DOK6: variants seen among roughly 807,000 people sequenced by gnomAD.
DOK6 encodes the protein docking protein 6.
DOK6 carries 22 observed loss-of-function variants against 44.0 expected under a neutral mutation model. That is an observed-to-expected ratio of 0.50 (90% CI 0.36 to 0.71). The LOEUF is 0.71. Among genes scored for constraint, DOK6 ranks in the 30% least tolerant of loss-of-function variants. The pLI, the probability that DOK6 is intolerant of heterozygous loss-of-function variation, is 0.00. For missense variants in DOK6, 340 were observed against 416.4 expected, an observed-to-expected ratio of 0.82 and a Z score of 1.60; for synonymous variants, 166 against 145.5, an observed-to-expected ratio of 1.14 and a Z score of -1.01.
chr18:69,435,875 G>A (rs1550592), intron 1 of DOK6, among the ~76,000 whole-genome samples: 3,041 of 151,662 alleles, frequency 0.02, 103 homozygotes, highest in African/African-American at 0.069. Flanking sequence ...TGGCTCATAT[G>A]TGCTTTTCTT....
intron 7 of DOK6, among the ~76,000 whole-genome samples, chr18:69,814,142 C>T (rs1264515868): frequency 6.6e-6 from 1 of 151,852 alleles, no homozygotes. Flanking sequence ...AGAGAAAGCC[C>T]ATGGCCTGGA....
chr18:69,538,797 C>T (rs978173713), intron 1 of DOK6, among the ~76,000 whole-genome samples: 7 of 152,146 alleles, frequency 4.6e-5, no homozygotes, highest in Non-Finnish European at 1.0e-4. Flanking sequence ...CCCTTCATTT[C>T]CCTTTAAATG....
intron 1 of DOK6, among the ~76,000 whole-genome samples, chr18:69,402,171 G>C (rs1455278635): frequency 6.6e-6 from 1 of 152,074 alleles, no homozygotes; most frequent in Non-Finnish European, 1.5e-5. Context: ...GCGCGATGTA[G>C]GGTGGCCTGG....
intron 1 of DOK6, among the ~76,000 whole-genome samples, chr18:69,523,493 C>T (rs1252432851): frequency 6.6e-6 from 1 of 151,946 alleles, no homozygotes; most frequent in East Asian, 1.9e-4. Flanking sequence ...AATTCAAACT[C>T]TCTCAAACCA....
intron 7 of DOK6, among the ~76,000 whole-genome samples, chr18:69,836,231 A>G (rs541640180): frequency 6.6e-6 from 1 of 152,306 alleles, no homozygotes; most frequent in African/African-American, 2.4e-5. Flanking sequence ...ACAGCAGGGA[A>G]GCTTCTTTTT....
chr18:69,466,474 T>C (rs1248429408), intron 1 of DOK6, among the ~76,000 whole-genome samples: 1 of 152,200 alleles, frequency 6.6e-6, no homozygotes, highest in Non-Finnish European at 1.5e-5. Flanking sequence ...GCAGTGCATA[T>C]GAGAGTGCAG....
intron 3 of DOK6, among the ~76,000 whole-genome samples, chr18:69,615,322 T>C (rs1021213536): frequency 6.6e-6 from 1 of 152,222 alleles, no homozygotes; most frequent in Non-Finnish European, 1.5e-5. Flanking sequence ...AGCACTTTTA[T>C]GAACATTCCA....
At chr18:69,804,254 C>G (rs75038857) in intron 7 of DOK6, among the ~76,000 whole-genome samples, 1 of 152,062 alleles carries the variant, frequency 6.6e-6, no homozygotes, top group Admixed American at 6.6e-5. Context: ...AACGAAAAAA[C>G]AAGACTTTTA....
chr18:69,477,256 G>A (rs548511264), intron 1 of DOK6, among the ~76,000 whole-genome samples: 2 of 152,144 alleles, frequency 1.3e-5, no homozygotes, highest in Admixed American at 6.5e-5. Context: ...AGCAGGTTTC[G>A]AGATCCGTTC....
intron 3 of DOK6, among the ~76,000 whole-genome samples, chr18:69,675,397 AG>A (rs1985898213): frequency 6.6e-6 from 1 of 152,244 alleles, no homozygotes; most frequent in Non-Finnish European, 1.5e-5. Context: ...ACTCCCAAAT[AG>A]CACATTAGAT....
intron 7 of DOK6, among the ~76,000 whole-genome samples, chr18:69,762,815 C>A (rs1278853175): frequency 6.6e-6 from 1 of 152,174 alleles, no homozygotes; most frequent in Non-Finnish European, 1.5e-5. Context: ...ATTCATTTCT[C>A]TCATCCATTG....
chr18:69,501,358 T>TA (rs1981045356), intron 1 of DOK6, among the ~76,000 whole-genome samples: 1 of 152,144 alleles, frequency 6.6e-6, no homozygotes, highest in Non-Finnish European at 1.5e-5. Flanking sequence ...TTTTCAAAAG[T>TA]TATACTATTG....
In DOK6 at chr18:69,715,735, A is replaced by T. The variant is rs147911710; in HGVS notation, c.599+17142A>T. Among the ~76,000 whole-genome samples, 5 of 152,342 alleles carry T rather than the reference A, an allele frequency of 3.3e-5. No homozygotes were observed. In the East Asian group the frequency reaches 9.6e-4, roughly 29 times the overall value. On this transcript the variant is annotated intron_variant, in intron 5 of 7. Coordinates refer to ENST00000382713, the MANE Select transcript of DOK6 (RefSeq NM_152721.6). ...CTGGAAAGAGATTGTATTAGAAACC[A>T]GTCAGATCAGGATCTGAATTGGTCT...
intron 6 of DOK6, among the ~76,000 whole-genome samples, chr18:69,757,545 T>C (rs1424417656): frequency 2.0e-5 from 3 of 152,214 alleles, no homozygotes; most frequent in Non-Finnish European, 4.4e-5. Flanking sequence ...TAATGTTCTC[T>C]TCTTAATTAA....
chr18:69,513,399 C>CTT (rs1981429260), intron 1 of DOK6, among the ~76,000 whole-genome samples: 2 of 152,202 alleles, frequency 1.3e-5, no homozygotes, highest in African/African-American at 4.8e-5. Flanking sequence ...CGCACACTCT[C>CTT]TCTCAGAGTA....
At chr18:69,608,836 G>C (rs957619714) in intron 3 of DOK6, among the ~76,000 whole-genome samples, 12 of 151,568 alleles carry the variant, frequency 7.9e-5, no homozygotes, top group Non-Finnish European at 5.9e-5. Context: ...TATAATCCCA[G>C]CTACTCGGGA....
chr18:69,706,459 G>A (rs1225400816), intron 5 of DOK6, among the ~76,000 whole-genome samples: 1 of 152,030 alleles, frequency 6.6e-6, no homozygotes, highest in Non-Finnish European at 1.5e-5. Context: ...TTTCAACAGG[G>A]AGAATAGAGC....
intron 7 of DOK6, among the ~76,000 whole-genome samples, chr18:69,812,790 C>G (rs1051180147): frequency 6.6e-6 from 1 of 152,048 alleles, no homozygotes; most frequent in African/African-American, 2.4e-5. Context: ...AATCAAGGCA[C>G]CTTCTTCACA....
chr18:69,504,960 T>TC (rs1439231409), intron 1 of DOK6, among the ~76,000 whole-genome samples: 1 of 152,198 alleles, frequency 6.6e-6, no homozygotes, highest in South Asian at 2.1e-4. Flanking sequence ...TTCTTCTCCT[T>TC]CTTTACTTAT....
Sources: gnomAD v4.1 joint callset for allele counts (sites outside exome capture counted in the v4.1 genomes callset) on GRCh38, gnomAD v4.1.1 for gene constraint, MANE v1.5 for transcripts, NCBI Gene and HGNC (gene_info 2026-07-23, HGNC 2026-07-21) for gene names.